TSNAXIP1: variants seen among roughly 807,000 people sequenced by gnomAD.
TSNAXIP1 encodes translin associated factor X interacting protein 1, also known as translin-associated factor X-interacting protein 1.
Under a neutral mutation model 84.8 loss-of-function variants are expected in TSNAXIP1, and 89 were observed. The observed-to-expected ratio is 1.05, with a 90% CI of 0.88 to 1.25. TSNAXIP1 has a LOEUF of 1.25. Ranked by LOEUF, TSNAXIP1 falls within the 50% of genes most tolerant of loss-of-function variation. The pLI is 0.00. For synonymous variants in TSNAXIP1, 347 were observed against 335.2 expected (o/e 1.04, Z -0.39); for missense variants, 874 against 887.6 (o/e 0.98, Z 0.20).
intron 1 of TSNAXIP1, chr16:67,807,470 A>G (rs1286818991): frequency 8.3e-7 from 1 of 1,211,876 alleles, no homozygotes; most frequent in Non-Finnish European, 1.1e-6. Flanking sequence ...ACATTTTTAA[A>G]TATTTTATTT....
chr16:67,824,715 AGAAGAT>A lies in TSNAXIP1; in HGVS notation c.618_623del (p.Lys206_Met207del). On this transcript the variant is annotated inframe_deletion, in exon 6 of 16. Coordinates refer to ENST00000561639, the MANE Select transcript of TSNAXIP1 (RefSeq NM_001288990.3). ...TATGAAATCTCCCTGCTCAAGAAAG[AGAAGAT>A]GAACTTGCTAAAACTCATCGACAAA... The A allele has an allele frequency of 6.2e-7, 1 of 1,614,136 alleles. No homozygotes were observed. Among genetic ancestry groups the A allele is most frequent in the Non-Finnish European group, 8.5e-7 (1 of 1,180,016 alleles).
chr16:67,810,959 G>A (rs1330011207), intron 1 of TSNAXIP1, among the ~76,000 whole-genome samples: 2 of 151,496 alleles, frequency 1.3e-5, no homozygotes, highest in African/African-American at 2.4e-5. Flanking sequence ...GGATGGTCTC[G>A]ATCTCCTGAC....
Position 67,826,498 on chromosome 16 carries a change from C to T in TSNAXIP1, c.1337C>T (p.Pro446Leu). 6.2e-7 allele frequency: 1 copy of T among 1,614,124 alleles called. No homozygotes were observed. ...RFDGLVENKK[P>L]SKKDVVNLLK... ...GATGGCCTCGTGGAGAACAAGAAGC[C>T]AAGCAAGAAGGACGTGGTCAACCTC... The change falls in exon 11 of 16, where the codon CCA (proline) becomes CTA (leucine). Residue 446 changes from proline (P) to leucine (L), a missense_variant. Transcript: ENST00000561639.
Position 67,827,390 on chromosome 16 carries a change from T to A in TSNAXIP1, c.1791+15T>A. 1 of 1,613,964 alleles carries A rather than the reference T, an allele frequency of 6.2e-7. No homozygotes were observed. Among genetic ancestry groups the A allele is most frequent in the Non-Finnish European group, 8.5e-7 (1 of 1,179,974 alleles). ...TGTTTATGGAGGTGGGTGTGTGGGGTCCGGGGACTGGCCTGGCCCCTGCCC... is the reference window on the plus strand; with the variant it reads ...TGTTTATGGAGGTGGGTGTGTGGGGACCGGGGACTGGCCTGGCCCCTGCCC... On this transcript the variant is annotated intron_variant, in intron 14 of 15. Coordinates refer to ENST00000561639, the MANE Select transcript of TSNAXIP1 (RefSeq NM_001288990.3).
chr16:67,820,173 G>A (rs1397907185), intron 2 of TSNAXIP1, among the ~76,000 whole-genome samples: 2 of 151,746 alleles, frequency 1.3e-5, no homozygotes, highest in South Asian at 4.2e-4. Context: ...AGCCAGGATA[G>A]TCTCGATCTC....
At chr16:67,820,690 G>A in intron 2 of TSNAXIP1, 149 bp from the exon 3 acceptor site, 1 of 543,812 alleles carries the variant, frequency 1.8e-6, no homozygotes, top group South Asian at 3.6e-5. Context: ...GTTGCAGTGA[G>A]CCAAGATCGT....
chr16:67,807,495 C>T (rs758373092), intron 1 of TSNAXIP1: 59 of 1,018,812 alleles, frequency 5.8e-5, no homozygotes, highest in Middle Eastern at 3.9e-4. Context: ...GACAAGATCT[C>T]GTTCTGTCGC....
chr16:67,820,556 C>T (rs1296417333), intron 2 of TSNAXIP1, among the ~76,000 whole-genome samples: 1 of 151,900 alleles, frequency 6.6e-6, no homozygotes, highest in Non-Finnish European at 1.5e-5. Context: ...ACCAGCCTGG[C>T]CAAGATGGTG....
At chr16:67,813,344 G>C (rs1019009169) in intron 1 of TSNAXIP1, among the ~76,000 whole-genome samples, 4 of 151,368 alleles carry the variant, frequency 2.6e-5, no homozygotes, top group Non-Finnish European at 5.9e-5. Flanking sequence ...CTGAGATGGC[G>C]CCACTGCACT....
intron 2 of TSNAXIP1, among the ~76,000 whole-genome samples, chr16:67,815,935 GATTAC>G (rs1391202440): frequency 6.6e-6 from 1 of 150,832 alleles, no homozygotes; most frequent in African/African-American, 2.4e-5. Flanking sequence ...GAGTAGCTGG[GATTAC>G]AGGTGCACAC....
rs1162375778 is a variant in TSNAXIP1, at chr16:67,819,815, ATTTTT to A, written c.148-1006_148-1002del. Among the ~76,000 whole-genome samples, 604 of 102,620 alleles carry A rather than the reference ATTTTT, an allele frequency of 5.9e-3. 9 individuals carry two copies. Among genetic ancestry groups the A allele is most frequent in the African/African-American group, 0.025 (589 of 23,810 alleles). 67.3% of individuals were successfully genotyped at this position (102,620 alleles called of 152,430 possible). A position where few individuals can be genotyped will look rare whatever the true frequency, so the allele number is the denominator to read the frequency against. On this transcript the variant is annotated intron_variant, in intron 2 of 15. Coordinates refer to ENST00000561639, the MANE Select transcript of TSNAXIP1 (RefSeq NM_001288990.3). ...AGCACATGCCACCACACCTGGCTAA[ATTTTT>A]TTTTTTTTTTTTTTTTTGAGACTGA...
Position 67,827,791 on chromosome 16 carries a change from T to G in TSNAXIP1, c.1937T>G (p.Leu646Arg). The change falls in exon 16 of 16, where the codon CTG (leucine) becomes CGG (arginine). Residue 646 changes from leucine to arginine, a missense_variant. Leu to Arg is a moderately radical substitution (Grantham distance 102, BLOSUM62 -2). Coordinates refer to ENST00000561639, the MANE Select transcript of TSNAXIP1 (RefSeq NM_001288990.3). ...EVTLPKLRGG[L>R]MTIDPSLDKQ... Reference sequence around the variant, plus strand: ...ACTCTGCCCAAGCTGCGAGGGGGCCTGATGACCATCGACCCCAGCCTGGAC... The same window carrying G: ...ACTCTGCCCAAGCTGCGAGGGGGCCGGATGACCATCGACCCCAGCCTGGAC... 1 of 1,614,134 alleles carries G rather than the reference T, an allele frequency of 6.2e-7. No individual in the cohort carries two copies. Among genetic ancestry groups the G allele is most frequent in the South Asian group, 1.1e-5 (1 of 91,080 alleles).
rs1188829124 is a variant in TSNAXIP1, at chr16:67,821,205, A to C, written c.367A>C (p.Thr123Pro). The change falls in exon 4 of 16, where the codon ACC becomes CCC. Residue 123 changes from threonine (T) to proline (P), a missense_variant. Physicochemically the swap from Thr to Pro is conservative, Grantham distance 38 (BLOSUM62 -1). Transcript: ENST00000561639. ...CCTGCTGGACCTGGGCACAGATTCC[A>C]CCCAGGAACTAAGGCTGCAGGTCAG... ...LLLLDLGTDSTQELRLQPYRE... is the reference protein window; with the variant it reads ...LLLLDLGTDSPQELRLQPYRE... 2.7e-6 allele frequency: 4 copies of C among 1,481,124 alleles called. No homozygotes were observed. The highest frequency in any genetic ancestry group is 2.7e-6 in the Non-Finnish European group (3 of 1,099,410). 91.7% of individuals were successfully genotyped at this position (1,481,124 alleles called of 1,614,324 possible).
chr16:67,811,419 T>C (rs995161766), intron 1 of TSNAXIP1, among the ~76,000 whole-genome samples: 2 of 150,992 alleles, frequency 1.3e-5, no homozygotes, highest in Non-Finnish European at 2.9e-5. Context: ...AGAACAGAGT[T>C]TGGAGAATTG....
In TSNAXIP1 at chr16:67,806,995, C is replaced by A; in HGVS notation, c.-155C>A. 1.6e-6 allele frequency: 2 copies of A among 1,281,078 alleles called. No individual in the cohort carries two copies. The highest frequency in any genetic ancestry group is 2.1e-6 in the Non-Finnish European group (2 of 957,032). 79.4% of individuals were successfully genotyped at this position (1,281,078 alleles called of 1,614,324 possible). ...TCCACCTTTGCTACTTTGTCCTACT[C>A]CCAGCCCGCGGGCGCTAGGCTCGGG... is the stretch of plus-strand genomic sequence containing the variant. On this transcript the variant is annotated 5_prime_UTR_variant, in exon 1 of 16. Transcript: ENST00000561639.
intron 7 of TSNAXIP1, 73 bp downstream of exon 7, chr16:67,825,345 CCATT>C: frequency 1.9e-6 from 3 of 1,578,934 alleles, no homozygotes; most frequent in Non-Finnish European, 2.6e-6. Context: ...CCCCTAAGCC[CCATT>C]CATTCAGCAT....
chr16:67,825,440 A>G, intron 7 of TSNAXIP1, 168 bp downstream of exon 7: 1 of 1,191,662 alleles, frequency 8.4e-7, no homozygotes, highest in Non-Finnish European at 1.2e-6. Flanking sequence ...TCTGAGTTGA[A>G]CTGAGAATTG....
chr16:67,825,603 G>A, intron 7 of TSNAXIP1, 64 bp from the exon 8 acceptor site: 1 of 1,554,020 alleles, frequency 6.4e-7, no homozygotes, highest in Non-Finnish European at 8.7e-7. Context: ...GAAGGGCAGA[G>A]GGCTTCAGGC....
chr16:67,810,064 A>C (rs1244185262), intron 1 of TSNAXIP1, among the ~76,000 whole-genome samples: 1 of 152,208 alleles, frequency 6.6e-6, no homozygotes, highest in Non-Finnish European at 1.5e-5. Context: ...TCTTAGAGAC[A>C]CTGTGGATGT....
Sources: allele counts gnomAD v4.1 joint callset (sites outside exome capture counted in the v4.1 genomes callset), GRCh38; gene constraint gnomAD v4.1.1; transcripts MANE v1.5; gene names NCBI Gene and HGNC (gene_info 2026-07-23, HGNC 2026-07-21).